The following ARHGAP22 variants were observed in gnomAD, a reference collection of about 807,000 sequenced individuals.
ARHGAP22 encodes rho GTPase-activating protein 22.
ARHGAP22 carries 48 observed loss-of-function variants against 59.1 expected under a neutral mutation model. The observed-to-expected ratio is 0.81, with a 90% CI of 0.64 to 1.03. The LOEUF (loss-of-function observed/expected upper bound fraction) is 1.03, where lower values mean the gene tolerates loss of function less well. ARHGAP22 is among the 50% of genes least tolerant of loss of function. The pLI, the probability that ARHGAP22 is intolerant of heterozygous loss-of-function variation, is 0.00. For synonymous variants in ARHGAP22, 445 were observed against 416.4 expected (o/e 1.07, Z -0.84); for missense variants, 1,015 against 958.7 (o/e 1.06, Z -0.78).
chr10:48,479,659 A>G lies in ARHGAP22; in HGVS notation c.428T>C (p.Val143Ala). 1 of 1,613,532 alleles carries G rather than the reference A, an allele frequency of 6.2e-7. No homozygotes were observed. The highest frequency in any genetic ancestry group is 8.5e-7 in the Non-Finnish European group (1 of 1,179,912). ...MEDWVQAIRRVIWAPLGGGIF... is the reference protein window; with the variant it reads ...MEDWVQAIRRAIWAPLGGGIF... ...ACCTCCGCCCAGCGGGGCCCAGATGACTCGGCGGATGGCCTGCACCCAGTC... is the reference window on the plus strand; with the variant it reads ...ACCTCCGCCCAGCGGGGCCCAGATGGCTCGGCGGATGGCCTGCACCCAGTC... Residue 143 changes from valine to alanine, a missense_variant, in exon 4 of 10, where the codon GTC becomes GCC. Coordinates refer to ENST00000249601, the MANE Select transcript of ARHGAP22 (RefSeq NM_021226.4).
chr10:48,571,312 A>G (rs1403815273), intron 2 of ARHGAP22, among the ~76,000 whole-genome samples: 2 of 152,210 alleles, frequency 1.3e-5, no homozygotes, highest in Non-Finnish European at 2.9e-5. Context: ...GGTCTTGTTC[A>G]TATAAGGATT....
upstream of ARHGAP22, among the ~76,000 whole-genome samples, chr10:48,609,431 A>G (rs998073006): frequency 6.6e-6 from 1 of 152,092 alleles, no homozygotes; most frequent in African/African-American, 2.4e-5. Context: ...GTTGATTGGG[A>G]TGGGACCACT....
At chr10:48,519,069 A>T (rs944439053) in intron 3 of ARHGAP22, among the ~76,000 whole-genome samples, 8 of 152,180 alleles carry the variant, frequency 5.3e-5, no homozygotes, top group Non-Finnish European at 7.4e-5. Flanking sequence ...AGCAAGAAGC[A>T]TCAGAATGTG....
At position 48,479,645 on chromosome 10, in the gene ARHGAP22, G is replaced by T; in HGVS notation, c.442C>A (p.Leu148Met). 1.2e-6 allele frequency: 2 copies of T among 1,613,820 alleles called. No individual in the cohort carries two copies. The highest frequency in any genetic ancestry group is 1.7e-6 in the Non-Finnish European group (2 of 1,179,976). Residue 148 changes from leucine (L) to methionine (M), a missense_variant, in exon 4 of 10, where the codon CTG becomes ATG. Leu to Met is a conservative substitution (Grantham distance 15, BLOSUM62 2). Coordinates refer to ENST00000249601, the MANE Select transcript of ARHGAP22 (RefSeq NM_021226.4). ...GATCTACGGGCAGTACCTCCGCCCA[G>T]CGGGGCCCAGATGACTCGGCGGATG... ...QAIRRVIWAP[L>M]GGGIFGQRLE...
chr10:48,578,554 CTGTG>C (rs1282345799), intron 2 of ARHGAP22, among the ~76,000 whole-genome samples: 9 of 128,810 alleles, frequency 7.0e-5, no homozygotes, highest in Non-Finnish European at 1.5e-4. Flanking sequence ...GTGTGTGTGT[CTGTG>C]TGTGTGTGTT....
chr10:48,643,316 C>T (rs1228045708), intron 1 of ARHGAP22, among the ~76,000 whole-genome samples: 6 of 151,962 alleles, frequency 3.9e-5, no homozygotes, highest in Non-Finnish European at 7.4e-5. Flanking sequence ...ATGTTTATTG[C>T]GGCACTATTC....
At chr10:48,529,717 G>A (rs1029412562) in intron 3 of ARHGAP22, among the ~76,000 whole-genome samples, 4 of 152,162 alleles carry the variant, frequency 2.6e-5, no homozygotes, top group African/African-American at 4.8e-5. Context: ...CAAATAAAAT[G>A]TGTTTTGTTT....
chr10:48,441,901 C>T (rs961069415), downstream of ARHGAP22, among the ~76,000 whole-genome samples: 1 of 152,172 alleles, frequency 6.6e-6, no homozygotes, highest in Non-Finnish European at 1.5e-5. Context: ...TGTTACTTGA[C>T]AGCATCCTGT....
chr10:48,556,982 A>G (rs1406051347), intron 2 of ARHGAP22, among the ~76,000 whole-genome samples: 1 of 152,164 alleles, frequency 6.6e-6, no homozygotes, highest in Non-Finnish European at 1.5e-5. Flanking sequence ...CCTGCGCTCC[A>G]AGGACACATG....
chr10:48,608,509 C>A (rs746410459), upstream of ARHGAP22, among the ~76,000 whole-genome samples: 1 of 152,130 alleles, frequency 6.6e-6, no homozygotes, highest in Non-Finnish European at 1.5e-5. Flanking sequence ...CAGAGTAAGC[C>A]CTTCTGGAGG....
intron 1 of ARHGAP22, among the ~76,000 whole-genome samples, chr10:48,634,140 G>C (rs1303349775): frequency 6.6e-6 from 1 of 152,182 alleles, no homozygotes; most frequent in Non-Finnish European, 1.5e-5. Context: ...GGTACTTTCA[G>C]ATTTGGGTGG....
upstream of ARHGAP22, chr10:48,656,218 GC>G (rs908272428): frequency 6.8e-6 from 1 of 146,352 alleles, no homozygotes; most frequent in African/African-American, 2.6e-5. Context: ...TGCAGCCTGG[GC>G]CCCGCATCCT....
chr10:48,445,294 AC>A (rs908365430), downstream of ARHGAP22: 12 of 152,260 alleles, frequency 7.9e-5, no homozygotes, highest in Admixed American at 7.2e-4. Flanking sequence ...CCCTGAACAA[AC>A]CCCTGCAGGT....
chr10:48,642,129 G>T (rs1209438629), intron 1 of ARHGAP22, among the ~76,000 whole-genome samples: 1 of 152,124 alleles, frequency 6.6e-6, no homozygotes, highest in African/African-American at 2.4e-5. Flanking sequence ...TCATGGATAG[G>T]AAGAATCAAT....
chr10:48,541,236 C>A (rs1414579991), intron 3 of ARHGAP22, among the ~76,000 whole-genome samples: 1 of 152,146 alleles, frequency 6.6e-6, no homozygotes, highest in Non-Finnish European at 1.5e-5. Context: ...TGACCTGGGT[C>A]ATTCAACCCC....
At chr10:48,432,231 A>G in the ARHGAP22 span, among the ~76,000 whole-genome samples, 1 of 152,218 alleles carries the variant, frequency 6.6e-6, no homozygotes, top group Non-Finnish European at 1.5e-5. Flanking sequence ...AGAAACTTCT[A>G]CTTTTGAGGA....
Position 48,451,049 on chromosome 10 carries a change from C to T in ARHGAP22, c.1080G>A (p.Pro360=), listed in dbSNP as rs1464470465. 6 of 1,552,386 alleles carry T rather than the reference C, an allele frequency of 3.9e-6. No homozygotes were observed. Among genetic ancestry groups the T allele is most frequent in the Non-Finnish European group, 5.2e-6 (6 of 1,148,054 alleles). Residue 360 remains proline, a synonymous_variant, in exon 9 of 10, where the codon CCG becomes CCA. Coordinates refer to ENST00000249601, the MANE Select transcript of ARHGAP22 (RefSeq NM_021226.4). ...TAPVPEGPTS[P]RGGLQCAVGW... The stretch of plus-strand genomic sequence containing the variant: ...CCACTGCGCATTGCAGGCCCCCGCG[C>T]GGGGAGGTGGGCCCTTCCGGGACCG...
At chr10:48,634,536 C>T (rs544612131) in intron 1 of ARHGAP22, among the ~76,000 whole-genome samples, 1 of 152,298 alleles carries the variant, frequency 6.6e-6, no homozygotes. Flanking sequence ...TTATTTGGTT[C>T]TGTGGCTGGG....
At chr10:48,473,672 G>A (rs747855496) in intron 4 of ARHGAP22, among the ~76,000 whole-genome samples, 2 of 152,204 alleles carry the variant, frequency 1.3e-5, no homozygotes, top group Admixed American at 6.5e-5. Context: ...GAGGTACAGC[G>A]AAGATAAGAG....
Sources: allele counts gnomAD v4.1 joint callset (sites outside exome capture counted in the v4.1 genomes callset), GRCh38; gene constraint gnomAD v4.1.1; transcripts MANE v1.5; gene names NCBI Gene and HGNC (gene_info 2026-07-23, HGNC 2026-07-21).